Variants in ERFL observed in about 807,000 individuals in gnomAD.
ERFL encodes the protein ETS domain-containing transcription factor ERF-like.
ERFL carries 8 observed loss-of-function variants against 27.9 expected under a neutral mutation model. The ratio of observed to expected loss-of-function variants is 0.29; its 90% CI spans 0.17 to 0.52. ERFL has a LOEUF of 0.52. Among genes scored for constraint, ERFL ranks in the 20% least tolerant of loss-of-function variants. The pLI, the probability that ERFL is intolerant of heterozygous loss-of-function variation, is 0.97. For missense variants in ERFL, 294 were observed against 444.4 expected (o/e 0.66, Z 3.04); for synonymous variants, 174 against 202.8 (o/e 0.86, Z 1.21).
At chr19:41,913,050 A>AC (rs1371551865) in intron 1 of ERFL, 118 bp from the exon 2 acceptor site, 1 of 408,310 alleles carries the variant, frequency 2.4e-6, no homozygotes, top group Non-Finnish European at 4.2e-6. Context: ...CCAGCCTGAC[A>AC]CCCTCTCCCC....
chr19:41,926,984 G>T (rs782552730), intron 1 of ERFL, among the ~76,000 whole-genome samples: 1 of 152,040 alleles, frequency 6.6e-6, no homozygotes, highest in Admixed American at 6.5e-5. Context: ...GAGAAAGGAA[G>T]AGAGAGAGAT....
chr19:41,909,647 G>C lies in ERFL; in HGVS notation c.303-176C>G, dbSNP rs1427069711. Among the ~76,000 whole-genome samples, 1 of 152,142 alleles carries C rather than the reference G, an allele frequency of 6.6e-6. No individual in the cohort carries two copies. Among genetic ancestry groups the C allele is most frequent in the Non-Finnish European group, 1.5e-5 (1 of 68,006 alleles). ...ACAGGGCAAGGAAGGGATGAGGCAG[G>C]AGCGGGGACCCTGCCCTGCAAGACT... On this transcript the variant is annotated intron_variant, in intron 3 of 5. Transcript: ENST00000597630. The surrounding 1 kb of genome is among the most constrained non-coding windows in gnomAD (Gnocchi z 5.2).
intron 1 of ERFL, among the ~76,000 whole-genome samples, chr19:41,918,736 C>T (rs1290445370): frequency 6.7e-6 from 1 of 149,358 alleles, no homozygotes; most frequent in East Asian, 2.0e-4. Flanking sequence ...CCACACACCA[C>T]CCCACACATA....
rs1379309210 is a variant in ERFL at position 41,908,783 on chromosome 19, A to G, written c.617-107T>C. 5.4e-6 allele frequency: 3 copies of G among 552,552 alleles called. No individual in the cohort carries two copies. In the African/African-American group the frequency reaches 5.9e-5, roughly 11 times the overall value. 34.2% of individuals were successfully genotyped at this position (552,552 alleles called of 1,614,324 possible). ...CACCCCATCTCCCCGCATCCCTCCT[A>G]CATGGCATCTTACCCCCTCATACAG... On this transcript the variant is annotated intron_variant, in intron 5 of 5. Coordinates refer to ENST00000597630, the MANE Select transcript of ERFL (RefSeq NM_001365103.2). This position sits in a 1 kb window ranked among gnomAD's most constrained non-coding sequence, Gnocchi z 6.7.
intron 1 of ERFL, among the ~76,000 whole-genome samples, chr19:41,918,412 A>C (rs1555852132): frequency 1.5e-5 from 2 of 137,526 alleles, no homozygotes; most frequent in African/African-American, 6.7e-5. Flanking sequence ...TATCACACAC[A>C]CCACACACAT....
chr19:41,910,061 G>A lies in ERFL; in HGVS notation c.104C>T (p.Ser35Leu). 2 of 1,613,460 alleles carry A rather than the reference G, an allele frequency of 1.2e-6. No individual in the cohort carries two copies. Among genetic ancestry groups the A allele is most frequent in the Non-Finnish European group, 1.7e-6 (2 of 1,179,922 alleles). ...AFPDWAYKPE[S>L]SPGSRQIQLW... ...CTGGATCTGCCTCGAGCCAGGGGAT[G>A]ACTCTGGCTTGTAGGCCCAATCCGG... Residue 35 changes from serine to leucine, a missense_variant, in exon 3 of 6, where the codon TCA becomes TTA. Ser to Leu is a moderately radical substitution (Grantham distance 145). This residue lies in a region of ERFL where 10 missense variants were observed against 37.7 expected (regional missense o/e 0.27). Coordinates refer to ENST00000597630, the MANE Select transcript of ERFL (RefSeq NM_001365103.2). The surrounding 1 kb of genome is among the most constrained non-coding windows in gnomAD (Gnocchi z 4.4).
Position 41,909,961 on chromosome 19 carries a change from C to G in ERFL, c.204G>C (p.Gly68=). 1 of 1,613,904 alleles carries G rather than the reference C, an allele frequency of 6.2e-7. No homozygotes were observed. The highest frequency in any genetic ancestry group is 8.5e-7 in the Non-Finnish European group (1 of 1,179,968). Reference sequence around the variant, plus strand: ...CATCGGGGTCTTTGATGACGAATTCCCCGTAGTCCCCCTGCCAGGCTATGA... The same window carrying G: ...CATCGGGGTCTTTGATGACGAATTCGCCGTAGTCCCCCTGCCAGGCTATGA... ...QGVIAWQGDY[G]EFVIKDPDEV... The change falls in exon 3 of 6, where the codon GGG becomes GGC. Residue 68 remains glycine, a synonymous_variant. Coordinates refer to ENST00000597630, the MANE Select transcript of ERFL (RefSeq NM_001365103.2). The surrounding 1 kb of genome is among the most constrained non-coding windows in gnomAD (Gnocchi z 5.2).
chr19:41,908,047 C>G lies in ERFL; in HGVS notation c.*181G>C. On this transcript the variant is annotated 3_prime_UTR_variant, in exon 6 of 6. Coordinates refer to ENST00000597630, the MANE Select transcript of ERFL (RefSeq NM_001365103.2). The surrounding 1 kb of genome is among the most constrained non-coding windows in gnomAD (Gnocchi z 6.7). ...CCGGAGGCCATCACATTCCCTCTGT[C>G]CTCTGTGGAGGGGGAAGTGAGACCC... 1 of 452,144 alleles carries G rather than the reference C, an allele frequency of 2.2e-6. No individual in the cohort carries two copies. Among genetic ancestry groups the G allele is most frequent in the Admixed American group, 4.4e-5 (1 of 22,760 alleles). The allele number at this position is 452,144 out of a possible 1,614,324, so 28.0% of individuals were successfully genotyped here.
At position 41,909,149 on chromosome 19, in the gene ERFL, C is replaced by T. The variant is rs974253093; in HGVS notation, c.527G>A (p.Arg176His). 160 of 1,231,816 alleles carry T rather than the reference C, an allele frequency of 1.3e-4. No individual in the cohort carries two copies. The African/African-American group carries it at 1.4e-3, about 11-fold the overall frequency. The allele number at this position is 1,231,816 out of a possible 1,614,324, so 76.3% of individuals were successfully genotyped here. A position where few individuals can be genotyped will look rare whatever the true frequency, so the allele number is the denominator to read the frequency against. ...ETLQTLFSAP[R>H]LGEPGARTPL... ...TGTCCGGGCCCCTGGCTCTCCCAGG[C>T]GTGGGGCAGAGAACAGGGTTTGCAG... The change falls in exon 5 of 6, where the codon CGC becomes CAC. Residue 176 changes from arginine (R) to histidine (H), a missense_variant. Around this residue, in one of 3 missense-constraint regions of ERFL, gnomAD observed 246 missense variants for 371.4 expected, o/e 0.66. Coordinates refer to ENST00000597630, the MANE Select transcript of ERFL (RefSeq NM_001365103.2). This position sits in a 1 kb window ranked among gnomAD's most constrained non-coding sequence, Gnocchi z 5.2.
chr19:41,914,522 T>C (rs2074775106), intron 1 of ERFL, among the ~76,000 whole-genome samples: 1 of 150,340 alleles, frequency 6.7e-6, no homozygotes, highest in East Asian at 2.0e-4. Flanking sequence ...CCTATGACTT[T>C]CTCCCCATCT....
chr19:41,915,188 G>C (rs969703600), intron 1 of ERFL, among the ~76,000 whole-genome samples: 1 of 107,350 alleles, frequency 9.3e-6, no homozygotes, highest in African/African-American at 3.7e-5. Flanking sequence ...TTCTCTTCCC[G>C]ACGCTTTCAA....
In ERFL at chr19:41,912,421, C is replaced by T. The variant is rs570655363; in HGVS notation, c.67+432G>A. Among the ~76,000 whole-genome samples the T allele has an allele frequency of 1.8e-3, 280 of 152,314 alleles. 2 individuals are homozygous for T. Among genetic ancestry groups the T allele is most frequent in the African/African-American group, 6.4e-3 (267 of 41,588 alleles). On this transcript the variant is annotated intron_variant, in intron 2 of 5. Coordinates refer to ENST00000597630, the MANE Select transcript of ERFL (RefSeq NM_001365103.2). ...CCTCTTTCCTGGGTCTCGGTCTGGC[C>T]GGGTCGTGCCTGCACGTACCCCTGA...
chr19:41,919,255 G>C (rs144010147), intron 1 of ERFL, among the ~76,000 whole-genome samples: 5 of 152,126 alleles, frequency 3.3e-5, no homozygotes, highest in African/African-American at 1.2e-4. Flanking sequence ...AAAACACACA[G>C]AAGCACACAG....
rs1442183548 is a variant in ERFL, at chr19:41,921,805, C to T, written c.-14+6235G>A. Among the ~76,000 whole-genome samples, 2 of 151,994 alleles carry T rather than the reference C, an allele frequency of 1.3e-5. No individual in the cohort carries two copies. Among genetic ancestry groups the T allele is most frequent in the Non-Finnish European group, 1.5e-5 (1 of 67,976 alleles). On this transcript the variant is annotated intron_variant, in intron 1 of 5. Transcript: ENST00000597630. The surrounding 1 kb of genome is among the most constrained non-coding windows in gnomAD (Gnocchi z 4.4). ...GGATTCCTCGTCCTCCGCCCCACCT[C>T]GCCCTTCTTCAGTCCTAGGAGGTTG...
At position 41,910,440 on chromosome 19, in the gene ERFL, A is replaced by G. The variant is rs1335231242; in HGVS notation, c.68-343T>C. On this transcript the variant is annotated intron_variant, in intron 2 of 5. Coordinates refer to ENST00000597630, the MANE Select transcript of ERFL (RefSeq NM_001365103.2). This position sits in a 1 kb window ranked among gnomAD's most constrained non-coding sequence, Gnocchi z 4.4. ...GAATGGGGAGGGGCACCCGCCTCCA[A>G]CAGCGTTAGTCCTCTCACTGCCCCC... Among the ~76,000 whole-genome samples, 1 of 152,024 alleles carries G rather than the reference A, an allele frequency of 6.6e-6. No homozygotes were observed. The highest frequency in any genetic ancestry group is 2.4e-5 in the African/African-American group (1 of 41,382).
Position 41,916,822 on chromosome 19 carries a change from C to T in ERFL, c.-13-3890G>A, listed in dbSNP as rs1416436383. Among the ~76,000 whole-genome samples the T allele has an allele frequency of 2.7e-5, 4 of 149,472 alleles. No individual in the cohort carries two copies. Among genetic ancestry groups the T allele is most frequent in the African/African-American group, 5.1e-5 (2 of 38,946 alleles). ...CACAATCACACACACACACCAAGATCACGGACCCAAACATACGACCGACAG... is the reference window on the plus strand; with the variant it reads ...CACAATCACACACACACACCAAGATTACGGACCCAAACATACGACCGACAG... On this transcript the variant is annotated intron_variant, in intron 1 of 5. Transcript: ENST00000597630. This position sits in a 1 kb window ranked among gnomAD's most constrained non-coding sequence, Gnocchi z 5.4.
chr19:41,913,886 A>G (rs1241900204), intron 1 of ERFL, among the ~76,000 whole-genome samples: 1 of 129,690 alleles, frequency 7.7e-6, no homozygotes, highest in East Asian at 2.2e-4. Flanking sequence ...CCCTCCCCTC[A>G]GGCACTTCAG....
In ERFL at chr19:41,909,554, C is replaced by A; in HGVS notation, c.303-83G>T. 1 of 1,050,718 alleles carries A rather than the reference C, an allele frequency of 9.5e-7. No individual in the cohort carries two copies. Among genetic ancestry groups the A allele is most frequent in the South Asian group, 3.4e-5 (1 of 29,440 alleles). 65.1% of individuals were successfully genotyped at this position (1,050,718 alleles called of 1,614,324 possible). On this transcript the variant is annotated intron_variant, in intron 3 of 5. Transcript: ENST00000597630. The surrounding 1 kb of genome is among the most constrained non-coding windows in gnomAD (Gnocchi z 5.2). ...GGGTTTCTTAATGCGTGTGCTGTCC[C>A]AGGCATGGTGCACAGAGCACTAGAA...
chr19:41,914,969 CCTCCCT>C, intron 1 of ERFL, among the ~76,000 whole-genome samples: 1 of 78,322 alleles, frequency 1.3e-5, no homozygotes, highest in African/African-American at 1.0e-4. Flanking sequence ...TCTGTCTCTC[CCTCCCT>C]CCCCCTCCAG....
Sources: gnomAD v4.1 joint callset for allele counts (sites outside exome capture counted in the v4.1 genomes callset) on GRCh38, gnomAD v4.1.1 for gene constraint, gnomAD v4.1.1 regional missense constraint, Gnocchi (gnomAD v3.1) non-coding constraint, MANE v1.5 for transcripts, NCBI Gene and HGNC (gene_info 2026-07-23, HGNC 2026-07-21) for gene names.